Variants in SASH1 observed in about 807,000 individuals in gnomAD.
SASH1 encodes SAM and SH3 domain-containing protein 1.
Under a neutral mutation model 125.2 loss-of-function variants are expected in SASH1, and 44 were observed. The observed-to-expected ratio is 0.35, with a 90% CI of 0.28 to 0.45. The LOEUF (loss-of-function observed/expected upper bound fraction) is 0.45. SASH1 is among the 20% of genes least tolerant of loss of function. SASH1 has a pLI of 1.00. For missense variants in SASH1, 1,426 were observed against 1,614.5 expected (o/e 0.88, Z 2.00); for synonymous variants, 639 against 649.1 (o/e 0.98, Z 0.24).
intron 1 of SASH1, among the ~76,000 whole-genome samples, chr6:148,388,899 C>T (rs2114821391): frequency 6.6e-6 from 1 of 151,268 alleles, no homozygotes. Flanking sequence ...GTCGTATTTT[C>T]CTTGGTTGTC....
chr6:148,513,459 T>C, intron 8 of SASH1: 2 of 985,440 alleles, frequency 2.0e-6, no homozygotes, highest in Non-Finnish European at 2.4e-6. Context: ...GGAAGCTGCA[T>C]ATTGGATGTT....
At chr6:148,210,518 G>A in the SASH1 span, among the ~76,000 whole-genome samples, 1 of 152,206 alleles carries the variant, frequency 6.6e-6, no homozygotes, top group Non-Finnish European at 1.5e-5. Context: ...GGGCAACAGA[G>A]CAAGACTCTG....
At chr6:148,369,649 T>C (rs1782628416) in intron 1 of SASH1, among the ~76,000 whole-genome samples, 1 of 81,680 alleles carries the variant, frequency 1.2e-5, no homozygotes, top group East Asian at 2.7e-4. Flanking sequence ...CTGTTCCCTT[T>C]CCATGACAAA....
intron 2 of SASH1, among the ~76,000 whole-genome samples, chr6:148,409,586 G>T (rs1483822993): frequency 6.6e-6 from 1 of 152,204 alleles, no homozygotes; most frequent in African/African-American, 2.4e-5. Flanking sequence ...AACAGAAAGA[G>T]ATTTTCTTGT....
chr6:148,433,006 C>T (rs924058025), intron 2 of SASH1, among the ~76,000 whole-genome samples: 20 of 152,298 alleles, frequency 1.3e-4, no homozygotes, highest in African/African-American at 3.8e-4. Flanking sequence ...CACACAGGTA[C>T]ACATTTGTTT....
At chr6:148,269,323 C>T (rs893514687), upstream of SASH1, among the ~76,000 whole-genome samples, 1 of 152,046 alleles carries the variant, frequency 6.6e-6, no homozygotes, top group African/African-American at 2.4e-5. Context: ...TACGGTCTTC[C>T]TTTGCTGTCC....
intron 16 of SASH1, among the ~76,000 whole-genome samples, chr6:148,537,832 G>GTGTGTGTGTGTGTGTGTGT (rs1269680437): frequency 7.1e-6 from 1 of 141,336 alleles, no homozygotes; most frequent in Admixed American, 7.4e-5. Flanking sequence ...GTGTGTGTGT[G>GTGTGTGTGTGTGTGTGTGT]GTTGGTGAGG....
chr6:148,433,516 A>G (rs35541099), intron 2 of SASH1, among the ~76,000 whole-genome samples: 6,931 of 145,316 alleles, frequency 0.048, 213 homozygotes, highest in East Asian at 0.079. Context: ...AGCCATTCCC[A>G]TGCCTCAGTG....
chr6:148,541,967 A>G (rs1782247935), intron 17 of SASH1, among the ~76,000 whole-genome samples: 1 of 152,244 alleles, frequency 6.6e-6, no homozygotes, highest in Non-Finnish European at 1.5e-5. Context: ...AGTAAACATC[A>G]GAATCCTTAT....
At chr6:148,231,137 C>T in the SASH1 span, among the ~76,000 whole-genome samples, 80 of 152,288 alleles carry the variant, frequency 5.3e-4, no homozygotes, top group African/African-American at 1.6e-3. Flanking sequence ...ATTATCCACC[C>T]GGAGTTAACT....
the SASH1 span, among the ~76,000 whole-genome samples, chr6:148,203,461 C>T: frequency 9.2e-5 from 14 of 152,282 alleles, no homozygotes; most frequent in East Asian, 3.9e-4. Flanking sequence ...ACTTGGGGAA[C>T]GCTGTGGTGT....
intron 1 of SASH1, among the ~76,000 whole-genome samples, chr6:148,281,482 G>A (rs1779340016): frequency 6.6e-6 from 1 of 152,146 alleles, no homozygotes; most frequent in South Asian, 2.1e-4. Flanking sequence ...GTCAGACAGG[G>A]AGGGCTCCAG....
At chr6:148,404,757 C>T (rs1044391423) in intron 2 of SASH1, among the ~76,000 whole-genome samples, 1 of 111,016 alleles carries the variant, frequency 9.0e-6, no homozygotes, top group Non-Finnish European at 1.9e-5. Flanking sequence ...CCAGCCCGTG[C>T]CCCACCCCAG....
intron 1 of SASH1, among the ~76,000 whole-genome samples, chr6:148,381,440 G>C (rs574508746): frequency 6.6e-6 from 1 of 151,998 alleles, no homozygotes; most frequent in South Asian, 2.1e-4. Context: ...AGCAGGGAGT[G>C]TAAGAAGAGA....
the SASH1 span, among the ~76,000 whole-genome samples, chr6:148,199,695 T>C: frequency 6.7e-6 from 1 of 149,586 alleles, no homozygotes; most frequent in South Asian, 2.1e-4. Context: ...AGACTTTGTC[T>C]TGGGAAAAAG....
At chr6:148,271,221 C>A (rs1779056478), upstream of SASH1, among the ~76,000 whole-genome samples, 2 of 152,092 alleles carry the variant, frequency 1.3e-5, no homozygotes, top group Non-Finnish European at 2.9e-5. Context: ...ATCCACAACT[C>A]CTAATACCAC....
intron 7 of SASH1, among the ~76,000 whole-genome samples, chr6:148,475,233 T>C (rs140168523): frequency 2.6e-5 from 4 of 152,320 alleles, no homozygotes; most frequent in African/African-American, 9.6e-5. Context: ...CAAGGAACCA[T>C]TGAATGAGTT....
Position 148,467,348 on chromosome 6 carries a change from C to T in SASH1, c.387-1197C>T, listed in dbSNP as rs556495414. 1.3e-3 allele frequency among the ~76,000 whole-genome samples: 195 copies of T among 152,072 alleles called. 1 individual carries two copies. Among genetic ancestry groups the T allele is most frequent in the Non-Finnish European group, 1.9e-3 (129 of 68,006 alleles). On this transcript the variant is annotated intron_variant, in intron 4 of 19. Coordinates refer to ENST00000367467, the MANE Select transcript of SASH1 (RefSeq NM_015278.5). ...CTGACCTCAAGTGATCTGCCCACCT[C>T]GTTCCCTTTTTGATACAACCAATTT...
intron 2 of SASH1, among the ~76,000 whole-genome samples, chr6:148,415,821 C>T (rs1198495255): frequency 6.6e-6 from 1 of 152,210 alleles, no homozygotes; most frequent in Non-Finnish European, 1.5e-5. Context: ...ACCTCTTAGC[C>T]AAAGGCAGTC....
Sources: gnomAD v4.1 joint callset for allele counts (sites outside exome capture counted in the v4.1 genomes callset) on GRCh38, gnomAD v4.1.1 for gene constraint, MANE v1.5 for transcripts, NCBI Gene and HGNC (gene_info 2026-07-23, HGNC 2026-07-21) for gene names.